Variants in UTP3 observed in about 807,000 individuals in gnomAD.
UTP3 encodes something about silencing protein 10.
A neutral mutation model predicts 37.9 loss-of-function variants in UTP3; 19 were observed. That is an observed-to-expected ratio of 0.50 (90% CI 0.35 to 0.74). The LOEUF (loss-of-function observed/expected upper bound fraction) is 0.74. Among genes scored for constraint, UTP3 ranks in the 30% least tolerant of loss-of-function variants. The pLI is 0.01. For missense variants in UTP3, 504 were observed against 570.7 expected, an observed-to-expected ratio of 0.88 and a Z score of 1.19; for synonymous variants, 242 against 218.5, an observed-to-expected ratio of 1.11 and a Z score of -0.95.
rs200408107 is a variant in UTP3 at position 70,689,878 on chromosome 4, G to A, written c.1201G>A (p.Ala401Thr). The A allele has an allele frequency of 1.3e-4, 208 of 1,613,868 alleles. No individual in the cohort carries two copies. Among genetic ancestry groups the A allele is most frequent in the Non-Finnish European group, 1.7e-4 (197 of 1,180,016 alleles). The change falls in exon 1 of 1, where the codon GCT becomes ACT. Residue 401 changes from alanine (A) to threonine (T), a missense_variant. Transcript: ENST00000254803. ...KKEENSTEEQ[A>T]LEDQNAKRAI... ...AGAAGAAAATAGCACTGAAGAACAGGCTCTTGAAGATCAAAATGCAAAGAG... is the reference window on the plus strand; with the variant it reads ...AGAAGAAAATAGCACTGAAGAACAGACTCTTGAAGATCAAAATGCAAAGAG...
rs1460008614 is a variant in UTP3, at chr4:70,689,310, A to T, written c.633A>T (p.Ser211=). The T allele has an allele frequency of 6.2e-7, 1 of 1,614,182 alleles. No individual in the cohort carries two copies. Among genetic ancestry groups the T allele is most frequent in the Admixed American group, 1.7e-5 (1 of 60,022 alleles). The change falls in exon 1 of 1, where the codon TCA becomes TCT. Residue 211 remains serine (S), a synonymous_variant. Transcript: ENST00000254803. The part of the protein sequence containing the change: ...TRVVKDLAKV[S]VKEKLKMLRK... ...TCGTGAAGGATTTGGCTAAAGTTTCAGTGAAAGAGAAGCTGAAAATGTTGC... is the reference window on the plus strand; with the variant it reads ...TCGTGAAGGATTTGGCTAAAGTTTCTGTGAAAGAGAAGCTGAAAATGTTGC...
rs200884643 is a variant in UTP3 at position 70,688,739 on chromosome 4, G to A, written c.62G>A (p.Gly21Asp). The A allele has an allele frequency of 7.4e-6, 12 of 1,614,124 alleles. No homozygotes were observed. The highest frequency in any genetic ancestry group is 1.0e-5 in the Non-Finnish European group (12 of 1,180,030). The change falls in exon 1 of 1, where the codon GGT (glycine) becomes GAT (aspartate). Residue 21 changes from glycine (G) to aspartate (D), a missense_variant. Physicochemically the swap from Gly to Asp is moderately conservative, Grantham distance 94. Coordinates refer to ENST00000254803, the MANE Select transcript of UTP3 (RefSeq NM_020368.3). ...AKWAAVRAKA[G>D]PTLTDENGDD... is the part of the protein sequence containing the mutation. ...TGGGCAGCTGTGCGAGCCAAGGCAG[G>A]TCCCACGCTCACCGACGAAAATGGA...
At position 70,690,202 on chromosome 4, in the gene UTP3, AC is replaced by A; in HGVS notation, c.*86del. 1 of 1,283,466 alleles carries A rather than the reference AC, an allele frequency of 7.8e-7. No homozygotes were observed. The highest frequency in any genetic ancestry group is 1.0e-6 in the Non-Finnish European group (1 of 996,208). 79.5% of individuals were successfully genotyped at this position (1,283,466 alleles called of 1,614,324 possible). A position where few individuals can be genotyped will look rare whatever the true frequency, so the allele number is the denominator to read the frequency against. ...TAAAGTCATTGTATTAATATATAAT[AC>A]TTTAAATTTTAAAAATTCTTGTCCA... On this transcript the variant is annotated 3_prime_UTR_variant, in exon 1 of 1. Coordinates refer to ENST00000254803, the MANE Select transcript of UTP3 (RefSeq NM_020368.3).
chr4:70,688,700 G>A lies in UTP3; in HGVS notation c.23G>A (p.Arg8His). 3 of 1,613,550 alleles carry A rather than the reference G, an allele frequency of 1.9e-6. No individual in the cohort carries two copies. In the East Asian group the frequency reaches 6.7e-5, roughly 36 times the overall value. The change falls in exon 1 of 1, where the codon CGC (arginine) becomes CAC (histidine). Residue 8 changes from arginine (R) to histidine (H), a missense_variant. Arg to His is a conservative substitution (Grantham distance 29). Coordinates refer to ENST00000254803, the MANE Select transcript of UTP3 (RefSeq NM_020368.3). MVGRSRRRGAAKWAAVRA... is the reference protein window; with the variant it reads MVGRSRRHGAAKWAAVRA... ...GCCATGGTGGGGAGATCCCGGCGGC[G>A]CGGAGCAGCTAAGTGGGCAGCTGTG... is the stretch of plus-strand genomic sequence containing the variant.
rs752961963 is a variant in UTP3, at chr4:70,689,674, G to C, written c.997G>C (p.Val333Leu). The C allele has an allele frequency of 6.2e-7, 1 of 1,614,098 alleles. No individual in the cohort carries two copies. The highest frequency in any genetic ancestry group is 1.3e-5 in the African/African-American group (1 of 74,932). ...RHLLTLKDDAVKKELIPKAKS... is the reference protein window; with the variant it reads ...RHLLTLKDDALKKELIPKAKS... The stretch of plus-strand genomic sequence containing the variant: ...TCTGTTGACACTTAAGGATGATGCT[G>C]TAAAGAAAGAACTGATTCCAAAAGC... Residue 333 changes from valine (V) to leucine (L), a missense_variant, in exon 1 of 1, where the codon GTA becomes CTA. Physicochemically the swap from Val to Leu is conservative, Grantham distance 32 (BLOSUM62 1). Transcript: ENST00000254803.
chr4:70,689,977 G>A lies in UTP3; in HGVS notation c.1300G>A (p.Val434Met). 6.2e-7 allele frequency: 1 copy of A among 1,614,158 alleles called. No homozygotes were observed. Among genetic ancestry groups the A allele is most frequent in the Non-Finnish European group, 8.5e-7 (1 of 1,180,026 alleles). ...AAAGAAGATTGATCGCAATCCCAGA[G>A]TGAAACACAGAGAGAAGTTCAGAAG... Reference protein sequence around the residue: ...RRKKIDRNPRVKHREKFRRAK... With the variant: ...RRKKIDRNPRMKHREKFRRAK... Residue 434 changes from valine (V) to methionine (M), a missense_variant, in exon 1 of 1, where the codon GTG (valine) becomes ATG (methionine). Physicochemically the swap from Val to Met is conservative, Grantham distance 21. Transcript: ENST00000254803.
rs190818739 is a variant in UTP3, at chr4:70,689,336, G to T, written c.659G>T (p.Arg220Leu). The part of the protein sequence containing the change: ...VSVKEKLKML[R>L]KESPELLELI... ...GTGAAAGAGAAGCTGAAAATGTTGC[G>T]AAAGGAATCACCAGAACTCTTGGAG... The change falls in exon 1 of 1, where the codon CGA becomes CTA. Residue 220 changes from arginine (R) to leucine (L), a missense_variant. Coordinates refer to ENST00000254803, the MANE Select transcript of UTP3 (RefSeq NM_020368.3). 1 of 1,614,154 alleles carries T rather than the reference G, an allele frequency of 6.2e-7. No homozygotes were observed. The highest frequency in any genetic ancestry group is 1.1e-5 in the South Asian group (1 of 91,084).
rs2148536583 is a variant in UTP3, at chr4:70,689,853, A to C, written c.1176A>C (p.Lys392Asn). ...IEDRQKLKRK[K>N]EENSTEEQAL... The stretch of plus-strand genomic sequence containing the variant: ...ACAGGCAAAAGCTAAAGAGAAAGAA[A>C]GAAGAAAATAGCACTGAAGAACAGG... Residue 392 changes from lysine to asparagine, a missense_variant, in exon 1 of 1, where the codon AAA becomes AAC. Coordinates refer to ENST00000254803, the MANE Select transcript of UTP3 (RefSeq NM_020368.3). 6.2e-7 allele frequency: 1 copy of C among 1,613,984 alleles called. No homozygotes were observed. The highest frequency in any genetic ancestry group is 2.2e-5 in the East Asian group (1 of 44,880).
In UTP3 at chr4:70,688,660, A is replaced by C; in HGVS notation, c.-18A>C. On this transcript the variant is annotated 5_prime_UTR_variant, in exon 1 of 1. Coordinates refer to ENST00000254803, the MANE Select transcript of UTP3 (RefSeq NM_020368.3). The stretch of plus-strand genomic sequence containing the variant: ...GGCCGAAAGTCCGGAGTCGCTGTAA[A>C]ACCTGAGATTGTGAGCCATGGTGGG... 1 of 1,604,868 alleles carries C rather than the reference A, an allele frequency of 6.2e-7. No individual in the cohort carries two copies. The highest frequency in any genetic ancestry group is 2.2e-5 in the East Asian group (1 of 44,714).
At position 70,689,671 on chromosome 4, in the gene UTP3, G is replaced by A. The variant is rs765437555; in HGVS notation, c.994G>A (p.Ala332Thr). 3.1e-6 allele frequency: 5 copies of A among 1,614,204 alleles called. No homozygotes were observed. Among genetic ancestry groups the A allele is most frequent in the Non-Finnish European group, 4.2e-6 (5 of 1,180,040 alleles). ...TCATCTGTTGACACTTAAGGATGAT[G>A]CTGTAAAGAAAGAACTGATTCCAAA... is the stretch of plus-strand genomic sequence containing the variant. Reference protein sequence around the residue: ...IRHLLTLKDDAVKKELIPKAK... With the variant: ...IRHLLTLKDDTVKKELIPKAK... Residue 332 changes from alanine (A) to threonine (T), a missense_variant, in exon 1 of 1, where the codon GCT (alanine) becomes ACT (threonine). By Grantham distance (58) the Ala-to-Thr change is moderately conservative. Transcript: ENST00000254803.
Position 70,689,154 on chromosome 4 carries a change from A to AGAG in UTP3, c.491_493dup (p.Glu164dup), listed in dbSNP as rs753365655. The AGAG allele has an allele frequency of 4.8e-5, 78 of 1,612,412 alleles. No homozygotes were observed. In the East Asian group the frequency reaches 5.6e-4, roughly 12 times the overall value. ...AACAGGAGGCAGAGGAGGAGGAAAGAGAGGAGGAGGAGGAGGCACAGATCA... is the reference window on the plus strand; with the variant it reads ...AACAGGAGGCAGAGGAGGAGGAAAGAGAGGAGGAGGAGGAGGAGGCACAGATCA... On this transcript the variant is annotated inframe_insertion, in exon 1 of 1. Transcript: ENST00000254803.
Position 70,688,707 on chromosome 4 carries a change from A to G in UTP3, c.30A>G (p.Ala10=), listed in dbSNP as rs558424955. 8 of 1,613,896 alleles carry G rather than the reference A, an allele frequency of 5.0e-6. No individual in the cohort carries two copies. In the African/African-American group the frequency reaches 5.3e-5, roughly 11 times the overall value. The part of the protein sequence containing the change: MVGRSRRRG[A]AKWAAVRAKA... ...TGGGGAGATCCCGGCGGCGCGGAGC[A>G]GCTAAGTGGGCAGCTGTGCGAGCCA... Residue 10 remains alanine (A), a synonymous_variant, in exon 1 of 1, where the codon GCA becomes GCG. Coordinates refer to ENST00000254803, the MANE Select transcript of UTP3 (RefSeq NM_020368.3).
In UTP3 at chr4:70,689,262, G is replaced by T; in HGVS notation, c.585G>T (p.Gln195His). 1 of 1,614,210 alleles carries T rather than the reference G, an allele frequency of 6.2e-7. No individual in the cohort carries two copies. Among genetic ancestry groups the T allele is most frequent in the Non-Finnish European group, 8.5e-7 (1 of 1,180,042 alleles). The change falls in exon 1 of 1, where the codon CAG (glutamine) becomes CAT (histidine). Residue 195 changes from glutamine (Q) to histidine (H), a missense_variant. Physicochemically the swap from Gln to His is conservative, Grantham distance 24. Coordinates refer to ENST00000254803, the MANE Select transcript of UTP3 (RefSeq NM_020368.3). ...AGGCCTTTGCAAAACCAGTGCCTCAGGTAGATGAGGCTGAGACACGGGTCG... is the reference window on the plus strand; with the variant it reads ...AGGCCTTTGCAAAACCAGTGCCTCATGTAGATGAGGCTGAGACACGGGTCG... ...WVEAFAKPVP[Q>H]VDEAETRVVK...
In UTP3 at chr4:70,688,685, G is replaced by A. The variant is rs1458881731; in HGVS notation, c.8G>A (p.Gly3Glu). 1 of 1,612,790 alleles carries A rather than the reference G, an allele frequency of 6.2e-7. No homozygotes were observed. Among genetic ancestry groups the A allele is most frequent in the Admixed American group, 1.7e-5 (1 of 59,910 alleles). Residue 3 changes from glycine (G) to glutamate (E), a missense_variant, in exon 1 of 1, where the codon GGG becomes GAG. Gly to Glu is a moderately conservative substitution (Grantham distance 98, BLOSUM62 -2). Transcript: ENST00000254803. ...AACCTGAGATTGTGAGCCATGGTGG[G>A]GAGATCCCGGCGGCGCGGAGCAGCT... MVGRSRRRGAAKW... is the reference protein window; with the variant it reads MVERSRRRGAAKW...
At position 70,689,788 on chromosome 4, in the gene UTP3, G is replaced by A. The variant is rs774161546; in HGVS notation, c.1111G>A (p.Asp371Asn). 1.2e-6 allele frequency: 2 copies of A among 1,612,894 alleles called. No homozygotes were observed. Among genetic ancestry groups the A allele is most frequent in the African/African-American group, 1.3e-5 (1 of 74,796 alleles). ...VTDLSDDSDF[D>N]EKAKLKYYKE... ...AGATCTTTCTGATGATTCTGATTTT[G>A]ATGAAAAAGCAAAACTGAAGTACTA... Residue 371 changes from aspartate to asparagine, a missense_variant, in exon 1 of 1, where the codon GAT becomes AAT. Coordinates refer to ENST00000254803, the MANE Select transcript of UTP3 (RefSeq NM_020368.3).
In UTP3 at chr4:70,690,418, A is replaced by G. The variant is rs1051249993; in HGVS notation, c.*301A>G. ...ACTTAGAACATGTGTAACTTTTCAC[A>G]TAAAGAGAATGCATCTTTGACAGTT... On this transcript the variant is annotated 3_prime_UTR_variant, in exon 1 of 1. Transcript: ENST00000254803. The G allele has an allele frequency of 4.9e-5, 10 of 204,472 alleles. No individual in the cohort carries two copies. The highest frequency in any genetic ancestry group is 2.1e-4 in the African/African-American group (9 of 42,918). 12.7% of individuals were successfully genotyped at this position (204,472 alleles called of 1,614,324 possible). A position where few individuals can be genotyped will look rare whatever the true frequency, so the allele number is the denominator to read the frequency against.
Position 70,688,847 on chromosome 4 carries a change from G to C in UTP3, c.170G>C (p.Arg57Pro). The C allele has an allele frequency of 6.2e-7, 1 of 1,614,128 alleles. No homozygotes were observed. Among genetic ancestry groups the C allele is most frequent in the Non-Finnish European group, 8.5e-7 (1 of 1,180,032 alleles). The change falls in exon 1 of 1, where the codon CGG becomes CCG. Residue 57 changes from arginine (R) to proline (P), a missense_variant. By Grantham distance (103) the Arg-to-Pro change is moderately radical. Coordinates refer to ENST00000254803, the MANE Select transcript of UTP3 (RefSeq NM_020368.3). ...QVDDFHEARS[R>P]AALAKGWNEV... ...GATGACTTTCATGAGGCACGATCCC[G>C]GGCCGCCTTAGCTAAGGGCTGGAAT...
Position 70,689,212 on chromosome 4 carries a change from G to A in UTP3, c.535G>A (p.Asp179Asn), listed in dbSNP as rs1739571355. 3 of 1,614,064 alleles carry A rather than the reference G, an allele frequency of 1.9e-6. No individual in the cohort carries two copies. Among genetic ancestry groups the A allele is most frequent in the Non-Finnish European group, 2.5e-6 (3 of 1,180,002 alleles). The change falls in exon 1 of 1, where the codon GAT becomes AAT. Residue 179 changes from aspartate (D) to asparagine (N), a missense_variant. Asp to Asn is a conservative substitution (Grantham distance 23, BLOSUM62 1). Transcript: ENST00000254803. The stretch of plus-strand genomic sequence containing the variant: ...GCGCCTAGCCCAAGCGCTGCAAGAG[G>A]ATGATTTTGGTGTCGCCTGGGTTGA... ...QRRLAQALQE[D>N]DFGVAWVEAF...
rs1468229470 is a variant in UTP3 at position 70,689,122 on chromosome 4, C to T, written c.445C>T (p.Gln149Ter). The change falls in exon 1 of 1, where the codon CAG (glutamine) becomes TAG (stop). Residue 149 changes from glutamine to a stop codon, truncating the protein, a stop_gained. Transcript: ENST00000254803. LOFTEE classifies it high-confidence loss of function. ...TDYGSKSRGR[Q>*]SQQEAEEEER... ...CTATGGTTCCAAGTCCCGAGGCCGG[C>T]AGAGTCAACAGGAGGCAGAGGAGGA... The T allele has an allele frequency of 1.2e-6, 2 of 1,612,776 alleles. No individual in the cohort carries two copies. Among genetic ancestry groups the T allele is most frequent in the Non-Finnish European group, 1.7e-6 (2 of 1,179,640 alleles).
Sources: gnomAD v4.1 joint callset for allele counts on GRCh38, gnomAD v4.1.1 for gene constraint, MANE v1.5 for transcripts, NCBI Gene and HGNC (gene_info 2026-07-23, HGNC 2026-07-21) for gene names.